Variants in FHOD1 observed in about 807,000 individuals in gnomAD.
The protein encoded by FHOD1 is formin homology 2 domain containing 1.
Under a neutral mutation model 111.6 loss-of-function variants are expected in FHOD1, and 89 were observed. That is an observed-to-expected ratio of 0.80 (90% CI 0.67 to 0.95). The LOEUF (loss-of-function observed/expected upper bound fraction) is 0.95, where lower values mean the gene tolerates loss of function less well. FHOD1 is among the 40% of genes least tolerant of loss of function. The pLI is 0.00. For synonymous variants in FHOD1, 618 were observed against 639.0 expected (o/e 0.97, Z 0.50); for missense variants, 1,446 against 1,554.2 (o/e 0.93, Z 1.17).
rs1182533866 is a variant in FHOD1 at position 67,247,471 on chromosome 16, C to G, written c.-61G>C. On this transcript the variant is annotated 5_prime_UTR_variant, in exon 1 of 22. Coordinates refer to ENST00000258201, the MANE Select transcript of FHOD1 (RefSeq NM_013241.3). ...TCCCGGCCCCAGTGCAGCTTCTACT[C>G]AAAGCACACTGTAGCTCCGCGGTTC... 7 of 1,554,084 alleles carry G rather than the reference C, an allele frequency of 4.5e-6. No homozygotes were observed. The Admixed American group carries it at 5.4e-5, about 12-fold the overall frequency.
Position 67,239,370 on chromosome 16 carries a change from C to A in FHOD1, c.286G>T (p.Glu96Ter). The change falls in exon 2 of 22, where the codon GAG becomes TAG. Residue 96 changes from glutamate (E) to a stop codon, truncating the protein, a stop_gained. Transcript: ENST00000258201. LOFTEE classifies it high-confidence loss of function. Reference sequence around the variant, plus strand: ...GACCTGATCTCTTCATAGAAGCCCTCCAGCATCTCCCGCTGCTCTTCCAGG... The same window carrying A: ...GACCTGATCTCTTCATAGAAGCCCTACAGCATCTCCCGCTGCTCTTCCAGG... The part of the protein sequence containing the change: ...LSLEEQREML[E>*]GFYEEISKGR... 3 of 1,614,122 alleles carry A rather than the reference C, an allele frequency of 1.9e-6. No individual in the cohort carries two copies. The highest frequency in any genetic ancestry group is 2.5e-6 in the Non-Finnish European group (3 of 1,179,958).
Position 67,237,050 on chromosome 16 carries a change from C to A in FHOD1, c.1058G>T (p.Arg353Leu), listed in dbSNP as rs772357080. The A allele has an allele frequency of 4.9e-5, 79 of 1,613,294 alleles. 1 individual carries two copies. The South Asian group carries it at 6.6e-4, about 13-fold the overall frequency. The change falls in exon 10 of 22, where the codon CGA (arginine) becomes CTA (leucine). Residue 353 changes from arginine to leucine, a missense_variant. Arg to Leu is a moderately radical substitution (Grantham distance 102). Coordinates refer to ENST00000258201, the MANE Select transcript of FHOD1 (RefSeq NM_013241.3). This position sits in a 1 kb window ranked among gnomAD's most constrained non-coding sequence, Gnocchi z 5.6. ...GCCCTCCTCAGAAGAAGGCTTTCGT[C>A]GTTCCCGCCGCCCACCAGCGCCTGG... Reference protein sequence around the residue: ...EAPGAGGRRERRKPSSEEGKR... With the variant: ...EAPGAGGRRELRKPSSEEGKR...
Position 67,231,151 on chromosome 16 carries a change from C to T in FHOD1, c.2667+37G>A. 3 of 1,609,908 alleles carry T rather than the reference C, an allele frequency of 1.9e-6. No homozygotes were observed. The highest frequency in any genetic ancestry group is 2.5e-6 in the Non-Finnish European group (3 of 1,177,462). On this transcript the variant is annotated intron_variant, in intron 17 of 21. Transcript: ENST00000258201. This position sits in a 1 kb window ranked among gnomAD's most constrained non-coding sequence, Gnocchi z 4.3. ...GGCCCAGGAAGCAGCGCTCCTCATG[C>T]CTTGTCCGGCCTTGGTTGATTCTGG...
Position 67,229,804 on chromosome 16 carries a change from T to C in FHOD1, c.3401A>G (p.Asn1134Ser). The change falls in exon 21 of 22, where the codon AAC (asparagine) becomes AGC (serine). Residue 1134 changes from asparagine to serine, a missense_variant. By Grantham distance (46) the Asn-to-Ser change is conservative. Coordinates refer to ENST00000258201, the MANE Select transcript of FHOD1 (RefSeq NM_013241.3). Reference protein sequence around the residue: ...AARERKRSRGNRKSLRRTLKS... With the variant: ...AARERKRSRGSRKSLRRTLKS... ...GGGGGGTTACTTACAAGACTTGCGG[T>C]TGCCGCGGGAACGCTTGCGTTCCCT... 6.2e-6 allele frequency: 10 copies of C among 1,614,208 alleles called. No homozygotes were observed. Among genetic ancestry groups the C allele is most frequent in the Non-Finnish European group, 8.5e-6 (10 of 1,180,040 alleles).
intron 1 of FHOD1, among the ~76,000 whole-genome samples, chr16:67,246,413 G>C (rs1358723402): frequency 1.3e-5 from 2 of 152,208 alleles, no homozygotes; most frequent in Non-Finnish European, 2.9e-5. Flanking sequence ...CGGCGAGAGG[G>C]AGGGGAGAGG....
chr16:67,234,417 C>A lies in FHOD1; in HGVS notation c.1375G>T (p.Ala459Ser). The change falls in exon 12 of 22, where the codon GCC becomes TCC. Residue 459 changes from alanine (A) to serine (S), a missense_variant. Ala to Ser is a moderately conservative substitution (Grantham distance 99). Transcript: ENST00000258201. ...GCAAGTGTCTCTGCCCGGCCCTGGG[C>A]CAGCGCAACCTGCTTCTCTGTTTCT... is the stretch of plus-strand genomic sequence containing the variant. ...AAETEKQVALAQGRAETLAGA... is the reference protein window; with the variant it reads ...AAETEKQVALSQGRAETLAGA... The A allele has an allele frequency of 1.9e-6, 3 of 1,609,074 alleles. No individual in the cohort carries two copies. The highest frequency in any genetic ancestry group is 2.2e-5 in the South Asian group (2 of 90,794).
intron 1 of FHOD1, 104 bp downstream of exon 1, chr16:67,247,103 GAGA>G (rs2034883703): frequency 1.1e-5 from 14 of 1,293,258 alleles, no homozygotes; most frequent in African/African-American, 4.6e-5. Flanking sequence ...GACTTTTCCG[GAGA>G]AGAACACTCG....
At chr16:67,244,967 C>T (rs1567397454) in intron 1 of FHOD1, among the ~76,000 whole-genome samples, 1 of 152,174 alleles carries the variant, frequency 6.6e-6, no homozygotes. Flanking sequence ...ACATTTCCTG[C>T]AAGGAGGGGC....
Position 67,237,627 on chromosome 16 carries a change from C to T in FHOD1, c.754+30G>A, listed in dbSNP as rs758147545. 198 of 1,612,378 alleles carry T rather than the reference C, an allele frequency of 1.2e-4. No homozygotes were observed. Among genetic ancestry groups the T allele is most frequent in the Non-Finnish European group, 1.6e-4 (188 of 1,178,594 alleles). On this transcript the variant is annotated intron_variant, in intron 7 of 21. Transcript: ENST00000258201. The surrounding 1 kb of genome is among the most constrained non-coding windows in gnomAD (Gnocchi z 5.6). Reference sequence around the variant, plus strand: ...AACAGGTAGGAGAGAGGGCTCTGAGCGGTGGGGGGAGAAAGGGACAGTCTC... The same window carrying T: ...AACAGGTAGGAGAGAGGGCTCTGAGTGGTGGGGGGAGAAAGGGACAGTCTC...
Position 67,236,966 on chromosome 16 carries a change from C to G in FHOD1, c.1142G>C (p.Gly381Ala). Residue 381 changes from glycine (G) to alanine (A), a missense_variant and splice_region_variant, in exon 10 of 22, where the codon GGC (glycine) becomes GCC (alanine). Physicochemically the swap from Gly to Ala is moderately conservative, Grantham distance 60 (BLOSUM62 0). This residue lies in a region of FHOD1 where 1,085 missense variants were observed against 1,108.8 expected (regional missense o/e 0.98). Transcript: ENST00000258201. ...CCCATCTACAGATGCTCGTACTTAC[C>G]CAGGTTCCGGGGCACGCGCGGGGCA... ...GGCPARAPEP[G>A]PTGPASPVGP... 1 of 1,581,472 alleles carries G rather than the reference C, an allele frequency of 6.3e-7. No individual in the cohort carries two copies. The highest frequency in any genetic ancestry group is 8.6e-7 in the Non-Finnish European group (1 of 1,165,552).
intron 13 of FHOD1, among the ~76,000 whole-genome samples, chr16:67,233,020 GT>G (rs1199406286): frequency 4.0e-5 from 6 of 151,790 alleles, no homozygotes; most frequent in African/African-American, 7.3e-5. Flanking sequence ...GCCTCCCAAA[GT>G]GCTGGGATTA....
In FHOD1 at chr16:67,230,378, T is replaced by C. The variant is rs951567787; in HGVS notation, c.2987A>G (p.Gln996Arg). 5 of 1,614,138 alleles carry C rather than the reference T, an allele frequency of 3.1e-6. No homozygotes were observed. The highest frequency in any genetic ancestry group is 2.2e-5 in the East Asian group (1 of 44,900). ...GTATGTGGCCTGCTTCTGCTGCTGC[T>C]GTAGCACTCGTTCCCGGCAAGTCCG... ...EYRTCRERVLQQQQKQATYRE... is the reference protein window; with the variant it reads ...EYRTCRERVLRQQQKQATYRE... Residue 996 changes from glutamine (Q) to arginine (R), a missense_variant, in exon 19 of 22, where the codon CAG (glutamine) becomes CGG (arginine). Gln to Arg is a conservative substitution (Grantham distance 43). Coordinates refer to ENST00000258201, the MANE Select transcript of FHOD1 (RefSeq NM_013241.3).
rs967892821 is a variant in FHOD1 at position 67,247,224 on chromosome 16, C to T, written c.187G>A (p.Gly63Arg). The T allele has an allele frequency of 6.3e-7, 1 of 1,591,104 alleles. No homozygotes were observed. The highest frequency in any genetic ancestry group is 8.5e-7 in the Non-Finnish European group (1 of 1,170,778). The part of the protein sequence containing the change: ...AQIPAVHRLL[G>R]APLKLEDCAL... ...GCCTCCCTCACCTTGAGCGGCGCTC[C>T]CAGCAGGCGGTGCACCGCGGGTATC... Residue 63 changes from glycine (G) to arginine (R), a missense_variant, in exon 1 of 22, where the codon GGA becomes AGA. By Grantham distance (125) the Gly-to-Arg change is moderately radical. This residue lies in a region of FHOD1 where 127 missense variants were observed against 118.0 expected (regional missense o/e 1.08). Transcript: ENST00000258201.
intron 11 of FHOD1, 99 bp downstream of exon 11, chr16:67,236,458 A>G (rs2034479074): frequency 2.0e-6 from 3 of 1,529,000 alleles, no homozygotes; most frequent in East Asian, 2.4e-5. Flanking sequence ...GAGAGAAAGC[A>G]CGCGTTTGGG....
At position 67,238,663 on chromosome 16, in the gene FHOD1, C is replaced by T. The variant is rs916839686; in HGVS notation, c.374-216G>A. 35 of 660,002 alleles carry T rather than the reference C, an allele frequency of 5.3e-5. No homozygotes were observed. Among genetic ancestry groups the T allele is most frequent in the Non-Finnish European group, 8.6e-5 (32 of 373,552 alleles). 40.9% of individuals were successfully genotyped at this position (660,002 alleles called of 1,614,324 possible). A position where few individuals can be genotyped will look rare whatever the true frequency, so the allele number is the denominator to read the frequency against. On this transcript the variant is annotated intron_variant, in intron 3 of 21. Transcript: ENST00000258201. This position sits in a 1 kb window ranked among gnomAD's most constrained non-coding sequence, Gnocchi z 4.2. ...AACTCCTAGCCTCAAGCAATTCTCC[C>T]ACCTTGACCTCTCAAAGCACTGGCA... is the stretch of plus-strand genomic sequence containing the variant.
rs756434760 is a variant in FHOD1 at position 67,231,359 on chromosome 16, C to T, written c.2506-10G>A. ...GCTCAAAGCCGCTGCTCTGAAAGGA[C>T]CCTTTCTGAGCCTGGGCCTGGTTGG... On this transcript the variant is annotated splice_polypyrimidine_tract_variant and intron_variant, in intron 16 of 21. Coordinates refer to ENST00000258201, the MANE Select transcript of FHOD1 (RefSeq NM_013241.3). The surrounding 1 kb of genome is among the most constrained non-coding windows in gnomAD (Gnocchi z 4.3). 1.2e-5 allele frequency: 19 copies of T among 1,614,014 alleles called. 1 individual carries two copies. The South Asian group carries it at 1.9e-4, about 16-fold the overall frequency.
In FHOD1 at chr16:67,238,594, G is replaced by C. The variant is rs1297023979; in HGVS notation, c.374-147C>G. On this transcript the variant is annotated intron_variant, in intron 3 of 21. Transcript: ENST00000258201. This position sits in a 1 kb window ranked among gnomAD's most constrained non-coding sequence, Gnocchi z 4.2. ...GGGTCTCACTCTGTCACTCAGGCTG[G>C]AGTGTGGAGTGCAGTGGCACAGTCA... is the stretch of plus-strand genomic sequence containing the variant. 2.5e-6 allele frequency: 2 copies of C among 803,602 alleles called. No individual in the cohort carries two copies. The highest frequency in any genetic ancestry group is 4.1e-6 in the Non-Finnish European group (2 of 483,824). The allele number at this position is 803,602 out of a possible 1,614,324, so 49.8% of individuals were successfully genotyped here. A position where few individuals can be genotyped will look rare whatever the true frequency, so the allele number is the denominator to read the frequency against.
Position 67,231,005 on chromosome 16 carries a change from GAGT to G in FHOD1, c.2667+180_2667+182del. 1.1e-6 allele frequency: 1 copy of G among 876,728 alleles called. No individual in the cohort carries two copies. The highest frequency in any genetic ancestry group is 1.7e-5 in the South Asian group (1 of 57,296). The allele number at this position is 876,728 out of a possible 1,614,324, so 54.3% of individuals were successfully genotyped here. A position where few individuals can be genotyped will look rare whatever the true frequency, so the allele number is the denominator to read the frequency against. ...TGGCAGTTAAACAGACCCAAAGACT[GAGT>G]AGGTGTGGCCAGGCCAATAGAGGAA... On this transcript the variant is annotated intron_variant, in intron 17 of 21. Coordinates refer to ENST00000258201, the MANE Select transcript of FHOD1 (RefSeq NM_013241.3). The surrounding 1 kb of genome is among the most constrained non-coding windows in gnomAD (Gnocchi z 4.3).
chr16:67,239,886 C>T (rs534591521), intron 1 of FHOD1, among the ~76,000 whole-genome samples: 1 of 152,302 alleles, frequency 6.6e-6, no homozygotes, highest in East Asian at 1.9e-4. Context: ...AGTAAGCACT[C>T]ACTAGGACTT....
Sources: allele counts gnomAD v4.1 joint callset (sites outside exome capture counted in the v4.1 genomes callset), GRCh38; gene constraint gnomAD v4.1.1; regional missense constraint gnomAD v4.1.1; non-coding constraint Gnocchi (gnomAD v3.1); transcripts MANE v1.5; gene names NCBI Gene and HGNC (gene_info 2026-07-23, HGNC 2026-07-21).